The following SH3KBP1 variants were observed in gnomAD, a reference collection of about 807,000 sequenced individuals.
The protein encoded by SH3KBP1 is SH3 domain containing kinase binding protein 1, also known as SH3 domain-containing kinase-binding protein 1.
SH3KBP1 carries 8 observed loss-of-function variants against 50.1 expected under a neutral mutation model. That is an observed-to-expected ratio of 0.16 (90% CI 0.09 to 0.29). The LOEUF (loss-of-function observed/expected upper bound fraction) is 0.29. Ranked by LOEUF, SH3KBP1 falls within the 10% of genes least tolerant of loss-of-function variation. The pLI is 1.00. For missense variants in SH3KBP1, 377 were observed against 535.2 expected, an observed-to-expected ratio of 0.70 and a Z score of 2.92; for synonymous variants, 227 against 218.6, an observed-to-expected ratio of 1.04 and a Z score of -0.34.
chrX:19,707,113 A>C (rs751185033), intron 3 of SH3KBP1, 129 bp from the exon 4 acceptor site: 2 of 589,156 alleles, frequency 3.4e-6, no homozygotes. Context: ...ACATGGCTTG[A>C]GGCACGGCAG....
intron 2 of SH3KBP1, among the ~76,000 whole-genome samples, chrX:19,785,126 T>C (rs1256655655): frequency 2.7e-5 from 3 of 110,619 alleles, no homozygotes; most frequent in Non-Finnish European, 3.8e-5. Flanking sequence ...CCTGCCCTAG[T>C]CTCTCTAAAT....
chrX:19,664,174 T>C (rs1310669617), intron 6 of SH3KBP1, among the ~76,000 whole-genome samples: 2 of 111,341 alleles, frequency 1.8e-5, no homozygotes, highest in Non-Finnish European at 3.8e-5. Flanking sequence ...ACATAATATA[T>C]CTCCTCATGG....
At chrX:19,792,362 A>G (rs1466711327) in intron 2 of SH3KBP1, among the ~76,000 whole-genome samples, 1 of 111,631 alleles carries the variant, frequency 9.0e-6, no homozygotes, top group Non-Finnish European at 1.9e-5. Context: ...AACCATGGTT[A>G]TCTCGGCAGT....
chrX:19,595,146 C>T (rs1481004863), intron 9 of SH3KBP1, 146 bp from the exon 10 acceptor site: 4 of 441,526 alleles, frequency 9.1e-6, no homozygotes, highest in African/African-American at 2.4e-5. Flanking sequence ...TCTCCAGGGA[C>T]GTCAGTTTTT....
In SH3KBP1 at chrX:19,799,829, G is replaced by A; in HGVS notation, c.162+36296C>T. 3 of 1,081,197 alleles carry A rather than the reference G, an allele frequency of 2.8e-6. No individual in the cohort carries two copies. In the South Asian group the frequency reaches 7.5e-5, roughly 27 times the overall value. 89.1% of individuals were successfully genotyped at this position (1,081,197 alleles called of 1,213,427 possible). Reference sequence around the variant, plus strand: ...ATCCTGTCCCGTACCCAACCCGCCTGCCCCTCCCACTACACACTCACACTG... The same window carrying A: ...ATCCTGTCCCGTACCCAACCCGCCTACCCCTCCCACTACACACTCACACTG... On this transcript the variant is annotated intron_variant, in intron 2 of 17. Coordinates refer to ENST00000397821, the MANE Select transcript of SH3KBP1 (RefSeq NM_031892.3).
intron 3 of SH3KBP1, among the ~76,000 whole-genome samples, chrX:19,732,981 T>C (rs1039908483): frequency 1.8e-5 from 2 of 111,425 alleles, no homozygotes; most frequent in African/African-American, 6.5e-5. Flanking sequence ...CTCAACAGAG[T>C]GACATCCCAT....
intron 6 of SH3KBP1, among the ~76,000 whole-genome samples, chrX:19,678,993 T>C (rs1015860195): frequency 2.2e-4 from 24 of 111,555 alleles, no homozygotes; most frequent in African/African-American, 7.8e-4. Flanking sequence ...GCTATCTCTT[T>C]CCCTCTTCAG....
chrX:19,690,957 G>A (rs2063271729), intron 5 of SH3KBP1, among the ~76,000 whole-genome samples: 1 of 111,795 alleles, frequency 8.9e-6, no homozygotes, highest in Non-Finnish European at 1.9e-5. Flanking sequence ...GGGCTTCAGT[G>A]TTCTCATCTG....
chrX:19,751,411 T>C (rs1201046969), intron 2 of SH3KBP1, among the ~76,000 whole-genome samples: 1 of 111,083 alleles, frequency 9.0e-6, no homozygotes, highest in East Asian at 2.8e-4. Flanking sequence ...ATAATCTCAG[T>C]AGTAGAGGCC....
At chrX:19,827,882 TAAACAAAA>T (rs1254925433) in intron 2 of SH3KBP1, among the ~76,000 whole-genome samples, 8 of 79,395 alleles carry the variant, frequency 1.0e-4, no homozygotes, top group African/African-American at 5.3e-4. Context: ...CATGGTCTGT[TAAACAAAA>T]AAACAAACAA....
intron 6 of SH3KBP1, among the ~76,000 whole-genome samples, chrX:19,679,741 C>T (rs924433487): frequency 7.2e-5 from 8 of 111,807 alleles, no homozygotes; most frequent in East Asian, 2.8e-4. Flanking sequence ...CTCCTCTATG[C>T]CCCACTCTTT....
chrX:19,677,297 A>C (rs2062951392), intron 6 of SH3KBP1, among the ~76,000 whole-genome samples: 1 of 111,665 alleles, frequency 9.0e-6, no homozygotes, highest in Admixed American at 9.5e-5. Context: ...AGGAGTTTAG[A>C]AACAGAGAGT....
chrX:19,691,381 TTATA>T (rs10694812), intron 5 of SH3KBP1, among the ~76,000 whole-genome samples: 4 of 95,345 alleles, frequency 4.2e-5, no homozygotes, highest in African/African-American at 7.7e-5. Context: ...TCTTTTGAGA[TTATA>T]TATATATATA....
chrX:19,752,896 G>A (rs875564), intron 2 of SH3KBP1, among the ~76,000 whole-genome samples: 16,262 of 111,154 alleles, frequency 0.15, 961 homozygotes, highest in African/African-American at 0.16. Context: ...GCAGGTGGTC[G>A]GAATGTGCCA....
intron 3 of SH3KBP1, among the ~76,000 whole-genome samples, chrX:19,731,127 C>T (rs925063010): frequency 1.1e-4 from 12 of 110,755 alleles, no homozygotes; most frequent in Non-Finnish European, 1.7e-4. Flanking sequence ...CTAGTAGAGA[C>T]GGGGTTTCAC....
chrX:19,881,009 A>G (rs1325279715), intron 1 of SH3KBP1, among the ~76,000 whole-genome samples: 1 of 111,876 alleles, frequency 8.9e-6, no homozygotes, highest in East Asian at 2.8e-4. Context: ...CTCTAGAACT[A>G]TAAGATTACA....
At chrX:19,804,882 A>ACCCCCCCCCCCCCC (rs1171123464) in intron 2 of SH3KBP1, among the ~76,000 whole-genome samples, 1 of 17,378 alleles carries the variant, frequency 5.8e-5, no homozygotes, top group Non-Finnish European at 9.6e-5. Flanking sequence ...CCCAAACCCT[A>ACCCCCCCCCCCCCC]CCCCCCCCCC....
In SH3KBP1 at chrX:19,607,995, G is replaced by A. The variant is rs1186717418; in HGVS notation, c.948C>T (p.Gly316=). 19 of 1,210,978 alleles carry A rather than the reference G, an allele frequency of 1.6e-5. No homozygotes were observed. The highest frequency in any genetic ancestry group is 5.3e-5 in the South Asian group (3 of 56,829). The change falls in exon 9 of 18, where the codon GGC becomes GGT. Residue 316 remains glycine, a synonymous_variant. Coordinates refer to ENST00000397821, the MANE Select transcript of SH3KBP1 (RefSeq NM_031892.3). ...ACTTCACGAAGTTATCGGGGAACACGCCTCGTCTGCCGTTCAGCTCTCCTT... is the reference window on the plus strand; with the variant it reads ...ACTTCACGAAGTTATCGGGGAACACACCTCGTCTGCCGTTCAGCTCTCCTT... ...WWEGELNGRR[G]VFPDNFVKLL...
intron 8 of SH3KBP1, among the ~76,000 whole-genome samples, chrX:19,610,553 T>G (rs1208671860): frequency 8.9e-6 from 1 of 112,061 alleles, no homozygotes. Context: ...GATATTCAAT[T>G]CAATAAACAT....
Sources: gnomAD v4.1 joint callset for allele counts (sites outside exome capture counted in the v4.1 genomes callset) on GRCh38, gnomAD v4.1.1 for gene constraint, MANE v1.5 for transcripts, NCBI Gene and HGNC (gene_info 2026-07-23, HGNC 2026-07-21) for gene names.